The following GALNT13 variants were observed in gnomAD, a reference collection of about 807,000 sequenced individuals.
The protein encoded by GALNT13 is polypeptide N-acetylgalactosaminyltransferase 13.
Under a neutral mutation model 64.2 loss-of-function variants are expected in GALNT13, and 28 were observed. The observed-to-expected ratio is 0.44, with a 90% confidence interval of 0.32 to 0.60. GALNT13 has a LOEUF of 0.60. Ranked by LOEUF, GALNT13 falls within the 20% of genes least tolerant of loss-of-function variation. GALNT13 has a pLI of 0.05. For synonymous variants in GALNT13, 214 were observed against 224.6 expected, an observed-to-expected ratio of 0.95 and a Z score of 0.42; for missense variants, 577 against 669.8, an observed-to-expected ratio of 0.86 and a Z score of 1.53.
At chr2:154,258,662 A>T (rs1399081381) in intron 7 of GALNT13, among the ~76,000 whole-genome samples, 1 of 152,032 alleles carries the variant, frequency 6.6e-6, no homozygotes, top group African/African-American at 2.4e-5. Flanking sequence ...ACCTAAGTTG[A>T]CACCTGATAG....
the GALNT13 span, among the ~76,000 whole-genome samples, chr2:153,528,866 T>A: frequency 6.6e-6 from 1 of 151,890 alleles, no homozygotes. Context: ...AAAATTTTCT[T>A]GAAACAAACG....
the GALNT13 span, among the ~76,000 whole-genome samples, chr2:153,660,401 C>T: frequency 5.3e-5 from 8 of 151,822 alleles, no homozygotes; most frequent in South Asian, 2.1e-4. Flanking sequence ...TTGGAACTTA[C>T]GTGAAATATA....
At chr2:153,259,356 G>A in the GALNT13 span, among the ~76,000 whole-genome samples, 1 of 151,354 alleles carries the variant, frequency 6.6e-6, no homozygotes, top group Non-Finnish European at 1.5e-5. Context: ...AGATCATTAG[G>A]TCTTGTATTT....
intron 8 of GALNT13, among the ~76,000 whole-genome samples, chr2:154,269,925 T>TATTTATATATATGTGTATATATA (rs1421612508): frequency 2.9e-5 from 4 of 139,240 alleles, no homozygotes; most frequent in East Asian, 2.2e-4. Flanking sequence ...TATATATATA[T>TATTTATATATATGTGTATATATA]TTCTAAAGCA....
intron 11 of GALNT13, among the ~76,000 whole-genome samples, chr2:154,434,280 A>T (rs750086921): frequency 2.8e-4 from 43 of 152,114 alleles, no homozygotes; most frequent in Non-Finnish European, 5.7e-4. Context: ...TGTTTTTTTT[A>T]GAGGAGTCTC....
chr2:153,243,114 G>A, the GALNT13 span, among the ~76,000 whole-genome samples: 1 of 152,140 alleles, frequency 6.6e-6, no homozygotes. Context: ...TTGGTCACCT[G>A]GGTGATATGC....
chr2:153,596,619 ATC>A, the GALNT13 span, among the ~76,000 whole-genome samples: 13 of 152,254 alleles, frequency 8.5e-5, no homozygotes, highest in African/African-American at 2.4e-4. Context: ...CCTCAATTTA[ATC>A]TCTCTGTTTA....
At chr2:153,541,936 T>A in the GALNT13 span, among the ~76,000 whole-genome samples, 1 of 152,208 alleles carries the variant, frequency 6.6e-6, no homozygotes, top group African/African-American at 2.4e-5. Context: ...CATCTGCCTC[T>A]AGTCAGTAAT....
chr2:153,272,794 C>T, the GALNT13 span, among the ~76,000 whole-genome samples: 6 of 152,300 alleles, frequency 3.9e-5, no homozygotes, highest in African/African-American at 1.4e-4. Flanking sequence ...ATAAATCATT[C>T]TGCTCTAAAG....
chr2:153,764,711 A>G, the GALNT13 span, among the ~76,000 whole-genome samples: 113 of 152,366 alleles, frequency 7.4e-4, 1 homozygote, highest in Non-Finnish European at 1.1e-3. Context: ...TCTCCAGGCC[A>G]TGTCAGAGAC....
intron 9 of GALNT13, among the ~76,000 whole-genome samples, chr2:154,334,323 G>A (rs548287807): frequency 5.3e-5 from 8 of 151,728 alleles, no homozygotes; most frequent in Non-Finnish European, 8.8e-5. Context: ...AATAGCATTC[G>A]ACACCCTGTA....
rs200538201 is a variant in GALNT13 at position 154,057,321 on chromosome 2, G to A, written c.143-83016G>A. Reference sequence around the variant, plus strand: ...TGGGCTTATAGGTGCGAGCCACCACGCCCGGCCCTAAACCTTTTATTTTAA... The same window carrying A: ...TGGGCTTATAGGTGCGAGCCACCACACCCGGCCCTAAACCTTTTATTTTAA... On this transcript the variant is annotated intron_variant, in intron 3 of 12. Coordinates refer to ENST00000392825, the MANE Select transcript of GALNT13 (RefSeq NM_052917.4). 4.6e-5 allele frequency among the ~76,000 whole-genome samples: 7 copies of A among 152,256 alleles called. No individual in the cohort carries two copies. The East Asian group carries it at 9.6e-4, about 21-fold the overall frequency.
the GALNT13 span, among the ~76,000 whole-genome samples, chr2:153,210,863 T>A: frequency 2.0e-5 from 3 of 152,138 alleles, no homozygotes; most frequent in Non-Finnish European, 4.4e-5. Flanking sequence ...GGGAAAACAC[T>A]CAGCCTGGCC....
the GALNT13 span, among the ~76,000 whole-genome samples, chr2:153,123,175 G>A: frequency 1.3e-5 from 2 of 152,180 alleles, no homozygotes; most frequent in Non-Finnish European, 2.9e-5. Context: ...CAGGAGAGAT[G>A]CATCTGCAAG....
chr2:153,426,353 T>C, the GALNT13 span, among the ~76,000 whole-genome samples: 1 of 151,972 alleles, frequency 6.6e-6, no homozygotes, highest in East Asian at 1.9e-4. Flanking sequence ...AATTTGCACA[T>C]ATTTTTATTT....
intron 3 of GALNT13, among the ~76,000 whole-genome samples, chr2:153,952,483 T>C (rs1045652205): frequency 6.6e-6 from 1 of 150,474 alleles, no homozygotes; most frequent in African/African-American, 2.5e-5. Flanking sequence ...CTTTGGTTAG[T>C]CTACAGATAA....
At chr2:153,599,096 C>A in the GALNT13 span, among the ~76,000 whole-genome samples, 16 of 152,062 alleles carry the variant, frequency 1.1e-4, no homozygotes, top group Admixed American at 9.2e-4. Flanking sequence ...AGGCTTGAAT[C>A]AATAGCAACT....
the GALNT13 span, among the ~76,000 whole-genome samples, chr2:153,164,978 C>G: frequency 5.3e-5 from 8 of 152,162 alleles, no homozygotes; most frequent in Non-Finnish European, 1.0e-4. Context: ...TGATCTGTGA[C>G]ACTATATTGG....
At chr2:153,546,031 C>T in the GALNT13 span, among the ~76,000 whole-genome samples, 1 of 152,190 alleles carries the variant, frequency 6.6e-6, no homozygotes, top group Non-Finnish European at 1.5e-5. Flanking sequence ...GGAAGATACT[C>T]TCTTCCTCAT....
Sources: allele counts gnomAD v4.1 joint callset (sites outside exome capture counted in the v4.1 genomes callset), GRCh38; gene constraint gnomAD v4.1.1; transcripts MANE v1.5; gene names NCBI Gene and HGNC (gene_info 2026-07-23, HGNC 2026-07-21).